RBFOX1: variants seen among roughly 807,000 people sequenced by gnomAD.
RBFOX1 encodes the protein RNA binding fox-1 homolog 1.
In RBFOX1, 8 loss-of-function variants were observed where a neutral mutation model predicts 57.7. The observed-to-expected ratio is 0.14, with a 90% CI of 0.08 to 0.25. The LOEUF (loss-of-function observed/expected upper bound fraction) is 0.25, where lower values mean the gene tolerates loss of function less well. RBFOX1 is among the 10% of genes least tolerant of loss of function. The probability of loss-of-function intolerance (pLI) is 1.00; values close to 1 mark genes in which losing one functional copy is unlikely to be tolerated. For synonymous variants in RBFOX1, 326 were observed against 222.4 expected (o/e 1.47, Z -4.15); for missense variants, 611 against 548.5 (o/e 1.11, Z -1.14).
At chr16:6,734,524 C>A (rs975616954) in intron 3 of RBFOX1, among the ~76,000 whole-genome samples, 20 of 152,152 alleles carry the variant, frequency 1.3e-4, no homozygotes, top group Admixed American at 1.1e-3. Flanking sequence ...TACTTGAATT[C>A]TCCCAAAGTA....
intron 7 of RBFOX1, among the ~76,000 whole-genome samples, chr16:7,587,947 G>A (rs1215101748): frequency 6.6e-6 from 1 of 152,222 alleles, no homozygotes; most frequent in Non-Finnish European, 1.5e-5. Context: ...AGCACTTTGA[G>A]GTGGGTGGAT....
At chr16:5,733,907 C>T (rs889185312) in intron 3 of RBFOX1, among the ~76,000 whole-genome samples, 7 of 152,056 alleles carry the variant, frequency 4.6e-5, no homozygotes, top group Non-Finnish European at 1.0e-4. Context: ...GACATCTATT[C>T]TGCCCTACCC....
rs142380381 is a variant in RBFOX1, at chr16:6,005,912, G to T, written c.351+138577G>T. Among the ~76,000 whole-genome samples, 465 of 152,334 alleles carry T rather than the reference G, an allele frequency of 3.1e-3. 3 individuals are homozygous for T. The highest frequency in any genetic ancestry group is 0.011 in the African/African-American group (452 of 41,570). ...AAATGGGTGCAGTGGGATGACAGAA[G>T]AGACTATTTAGAGACGAATGTGTCA... On this transcript the variant is annotated intron_variant, in intron 4 of 19. Coordinates refer to the RBFOX1 transcript ENST00000641259.
At chr16:6,436,341 A>C (rs2094232359) in intron 2 of RBFOX1, among the ~76,000 whole-genome samples, 1 of 152,146 alleles carries the variant, frequency 6.6e-6, no homozygotes, top group Non-Finnish European at 1.5e-5. Flanking sequence ...ATTTTATACC[A>C]CCAATAGCCA....
intron 2 of RBFOX1, among the ~76,000 whole-genome samples, chr16:6,482,176 C>T (rs1436773678): frequency 1.3e-5 from 2 of 152,092 alleles, no homozygotes; most frequent in East Asian, 1.9e-4. Context: ...GGCAGGAAGC[C>T]AATGAATATT....
intron 1 of RBFOX1, among the ~76,000 whole-genome samples, chr16:5,435,408 G>T (rs2067885300): frequency 6.6e-6 from 1 of 152,152 alleles, no homozygotes. Flanking sequence ...TAGGAGTGGA[G>T]CTTAGAGGGA....
chr16:5,380,978 G>A (rs1438316702), intron 1 of RBFOX1, among the ~76,000 whole-genome samples: 2 of 152,242 alleles, frequency 1.3e-5, no homozygotes, highest in East Asian at 3.8e-4. Flanking sequence ...TGGCAATAAA[G>A]ATCTGGATTT....
At chr16:7,380,690 T>G (rs1413393922) in intron 4 of RBFOX1, among the ~76,000 whole-genome samples, 3 of 152,252 alleles carry the variant, frequency 2.0e-5, no homozygotes, top group Admixed American at 2.0e-4. Context: ...GATAACCCAG[T>G]CGTTTCATAC....
chr16:5,284,078 T>C (rs1052142786), intron 1 of RBFOX1, among the ~76,000 whole-genome samples: 3 of 152,206 alleles, frequency 2.0e-5, no homozygotes, highest in African/African-American at 7.2e-5. Flanking sequence ...TCGCAAGATC[T>C]GATGGTTTTA....
At chr16:6,246,844 G>A (rs1449714400) in intron 1 of RBFOX1, among the ~76,000 whole-genome samples, 5 of 152,112 alleles carry the variant, frequency 3.3e-5, no homozygotes, top group African/African-American at 4.8e-5. Flanking sequence ...TGAGGCGGGC[G>A]GATCACCTGA....
intron 4 of RBFOX1, among the ~76,000 whole-genome samples, chr16:5,953,844 C>G (rs1006213001): frequency 2.0e-5 from 3 of 151,932 alleles, no homozygotes; most frequent in African/African-American, 4.8e-5. Flanking sequence ...TGTATAATGA[C>G]TTCTAGATAC....
chr16:6,952,235 T>C lies in RBFOX1; in HGVS notation c.-15-99822T>C, dbSNP rs80315997. On this transcript the variant is annotated intron_variant, in intron 3 of 15. Coordinates refer to ENST00000550418, the MANE Select transcript of RBFOX1 (RefSeq NM_018723.4). Reference sequence around the variant, plus strand: ...AGATGAAAGAAAAAGAGTAGGACCTTTCCCTGCTACGTTTCTGTAGATTTC... The same window carrying C: ...AGATGAAAGAAAAAGAGTAGGACCTCTCCCTGCTACGTTTCTGTAGATTTC... Among the ~76,000 whole-genome samples the C allele has an allele frequency of 2.0e-3, 304 of 152,310 alleles. 1 individual carries two copies. Among genetic ancestry groups the C allele is most frequent in the African/African-American group, 6.6e-3 (275 of 41,560 alleles).
chr16:6,050,969 G>A (rs2095546107), intron 1 of RBFOX1, among the ~76,000 whole-genome samples: 2 of 148,186 alleles, frequency 1.3e-5, no homozygotes, highest in Admixed American at 1.4e-4. Context: ...ACATGACTCT[G>A]CTTGTCTTTG....
intron 1 of RBFOX1, among the ~76,000 whole-genome samples, chr16:6,236,940 A>G (rs1476956826): frequency 2.0e-5 from 3 of 152,250 alleles, no homozygotes; most frequent in East Asian, 3.9e-4. Context: ...GGAGATTACA[A>G]CTCAAGTCTA....
At chr16:6,657,573 T>C (rs375350957) in intron 3 of RBFOX1, among the ~76,000 whole-genome samples, 16 of 152,204 alleles carry the variant, frequency 1.1e-4, no homozygotes, top group African/African-American at 3.9e-4. Flanking sequence ...ATGGGTTGTT[T>C]AGGAAATTTC....
chr16:7,072,624 C>A lies in RBFOX1; in HGVS notation c.27+20526C>A, dbSNP rs546570273. ...AGATAACCGTTATTCTAGAAAGCTGCCCTAGGAAGAGATTTCAGAATATTT... is the reference window on the plus strand; with the variant it reads ...AGATAACCGTTATTCTAGAAAGCTGACCTAGGAAGAGATTTCAGAATATTT... On this transcript the variant is annotated intron_variant, in intron 4 of 15. Coordinates refer to ENST00000550418, the MANE Select transcript of RBFOX1 (RefSeq NM_018723.4). Among the ~76,000 whole-genome samples, 13 of 152,260 alleles carry A rather than the reference C, an allele frequency of 8.5e-5. No individual in the cohort carries two copies. In the East Asian group the frequency reaches 2.3e-3, roughly 27 times the overall value.
chr16:5,380,996 C>G (rs1312985012), intron 1 of RBFOX1, among the ~76,000 whole-genome samples: 2 of 152,196 alleles, frequency 1.3e-5, no homozygotes, highest in African/African-American at 4.8e-5. Context: ...TTTTTTTTAT[C>G]AATCAGTGGC....
chr16:5,888,889 G>A (rs957567573), intron 4 of RBFOX1, among the ~76,000 whole-genome samples: 10 of 151,262 alleles, frequency 6.6e-5, no homozygotes, highest in African/African-American at 2.4e-4. Context: ...CTATCTAGAA[G>A]CTGAGGATGG....
chr16:6,935,297 GAC>G (rs1327055697), intron 3 of RBFOX1, among the ~76,000 whole-genome samples: 2 of 152,130 alleles, frequency 1.3e-5, no homozygotes, highest in Non-Finnish European at 2.9e-5. Flanking sequence ...GGTAGTTTCA[GAC>G]GATCTCTCCA....
Sources: gnomAD v4.1 joint callset for allele counts (sites outside exome capture counted in the v4.1 genomes callset) on GRCh38, gnomAD v4.1.1 for gene constraint, MANE v1.5 for transcripts, NCBI Gene and HGNC (gene_info 2026-07-23, HGNC 2026-07-21) for gene names.